Variants in GRM7 observed in about 807,000 individuals in gnomAD.
GRM7 encodes the protein metabotropic glutamate receptor 7.
A neutral mutation model predicts 84.5 loss-of-function variants in GRM7; 35 were observed. The observed-to-expected ratio is 0.41, with a 90% CI of 0.32 to 0.55. The LOEUF (loss-of-function observed/expected upper bound fraction) is 0.55. Among genes scored for constraint, GRM7 ranks in the 20% least tolerant of loss-of-function variants. GRM7 has a pLI of 0.19. For synonymous variants in GRM7, 487 were observed against 455.1 expected, an observed-to-expected ratio of 1.07 and a Z score of -0.89; for missense variants, 1,003 against 1,194.6, an observed-to-expected ratio of 0.84 and a Z score of 2.36.
intron 9 of GRM7, among the ~76,000 whole-genome samples, chr3:7,716,788 C>A (rs974882107): frequency 3.9e-5 from 6 of 152,186 alleles, no homozygotes; most frequent in Admixed American, 2.6e-4. Context: ...CAGATTCATG[C>A]AAACCAATTC....
chr3:7,001,379 C>T lies in GRM7; in HGVS notation c.519+139472C>T, dbSNP rs184466786. 2.2e-4 allele frequency among the ~76,000 whole-genome samples: 33 copies of T among 152,156 alleles called. 1 individual carries two copies. The highest frequency in any genetic ancestry group is 7.2e-4 in the African/African-American group (30 of 41,536). On this transcript the variant is annotated intron_variant, in intron 1 of 9. Transcript: ENST00000357716. ...ACTAAAAAAAAATTAAAAATAAAGGCTATCTGTTTGTGCACGTGAATATGC... is the reference window on the plus strand; with the variant it reads ...ACTAAAAAAAAATTAAAAATAAAGGTTATCTGTTTGTGCACGTGAATATGC...
At chr3:6,972,044 A>C (rs1370411719) in intron 1 of GRM7, among the ~76,000 whole-genome samples, 2 of 152,202 alleles carry the variant, frequency 1.3e-5, no homozygotes, top group African/African-American at 4.8e-5. Flanking sequence ...ACAACTTAGC[A>C]GACATTATTA....
At chr3:7,179,234 C>T in intron 2 of GRM7, among the ~76,000 whole-genome samples, 1 of 152,132 alleles carries the variant, frequency 6.6e-6, no homozygotes, top group East Asian at 1.9e-4. Flanking sequence ...TCCTTGACTC[C>T]CTAACTCCCA....
At chr3:6,947,389 C>T (rs923807420) in intron 1 of GRM7, among the ~76,000 whole-genome samples, 22 of 152,154 alleles carry the variant, frequency 1.4e-4, no homozygotes, top group African/African-American at 5.3e-4. Context: ...AGCCTTGCAT[C>T]CCAGGGATGA....
chr3:7,602,054 T>C (rs1696339143), intron 8 of GRM7, among the ~76,000 whole-genome samples: 1 of 120,392 alleles, frequency 8.3e-6, no homozygotes, highest in Admixed American at 1.1e-4. Flanking sequence ...TCAGGAAGGC[T>C]CACCAGGGAA....
At chr3:7,225,928 C>A (rs1180338856) in intron 2 of GRM7, among the ~76,000 whole-genome samples, 2 of 152,062 alleles carry the variant, frequency 1.3e-5, no homozygotes, top group African/African-American at 4.8e-5. Context: ...CAGTTGTGAA[C>A]AGTTAAATAT....
chr3:6,891,850 C>A (rs1695964027), intron 1 of GRM7, among the ~76,000 whole-genome samples: 1 of 152,152 alleles, frequency 6.6e-6, no homozygotes, highest in African/African-American at 2.4e-5. Context: ...TTCTATTCTC[C>A]CCGTCACTTT....
intron 4 of GRM7, among the ~76,000 whole-genome samples, chr3:7,316,600 T>C (rs1019910832): frequency 6.6e-6 from 1 of 152,174 alleles, no homozygotes; most frequent in Non-Finnish European, 1.5e-5. Flanking sequence ...GTTTTTTACT[T>C]GCATAACTAG....
At chr3:7,360,641 C>T (rs1163590057) in intron 4 of GRM7, among the ~76,000 whole-genome samples, 1 of 152,106 alleles carries the variant, frequency 6.6e-6, no homozygotes, top group Non-Finnish European at 1.5e-5. Context: ...GTTTGTTTAA[C>T]TATTTCTCCA....
rs1422817750 is a variant in GRM7 at position 6,928,877 on chromosome 3, A to G, written c.519+66970A>G. 6.6e-6 allele frequency among the ~76,000 whole-genome samples: 1 copy of G among 152,224 alleles called. No individual in the cohort carries two copies. The highest frequency in any genetic ancestry group is 1.5e-5 in the Non-Finnish European group (1 of 68,040). Reference sequence around the variant, plus strand: ...GGTTCCCCCATATTTGAACTGGTACATAAAATGCCAGTCATAGTGTTTTAA... The same window carrying G: ...GGTTCCCCCATATTTGAACTGGTACGTAAAATGCCAGTCATAGTGTTTTAA... On this transcript the variant is annotated intron_variant, in intron 1 of 9. Coordinates refer to ENST00000357716, the MANE Select transcript of GRM7 (RefSeq NM_000844.4). This position sits in a 1 kb window ranked among gnomAD's most constrained non-coding sequence, Gnocchi z 4.5.
intron 7 of GRM7, among the ~76,000 whole-genome samples, chr3:7,535,659 G>A (rs1200476910): frequency 6.6e-6 from 1 of 152,208 alleles, no homozygotes; most frequent in African/African-American, 2.4e-5. Flanking sequence ...AGGCATTGAA[G>A]AGCTGGACTC....
chr3:7,410,868 T>C (rs1476054005), intron 4 of GRM7, among the ~76,000 whole-genome samples: 1 of 152,148 alleles, frequency 6.6e-6, no homozygotes, highest in African/African-American at 2.4e-5. Context: ...ACATAAAAAA[T>C]GGCTACAAAT....
At chr3:7,055,876 G>C (rs932380085) in intron 1 of GRM7, among the ~76,000 whole-genome samples, 1 of 151,920 alleles carries the variant, frequency 6.6e-6, no homozygotes, top group Admixed American at 6.6e-5. Flanking sequence ...GGCCCTCTCA[G>C]TATTGATCAG....
chr3:7,482,544 C>A (rs531567544), intron 7 of GRM7, among the ~76,000 whole-genome samples: 5 of 152,036 alleles, frequency 3.3e-5, no homozygotes, highest in Non-Finnish European at 5.9e-5. Context: ...CCTTAGAGAG[C>A]GAGTTATAAA....
chr3:7,626,257 C>T (rs1160743222), intron 8 of GRM7, among the ~76,000 whole-genome samples: 1 of 152,098 alleles, frequency 6.6e-6, no homozygotes, highest in Non-Finnish European at 1.5e-5. Flanking sequence ...AGAAGCTAGC[C>T]ATTCTAGAAA....
chr3:7,198,461 T>A (rs539256215), intron 2 of GRM7, among the ~76,000 whole-genome samples: 1 of 152,194 alleles, frequency 6.6e-6, no homozygotes, highest in Non-Finnish European at 1.5e-5. Flanking sequence ...AGCTCTACAA[T>A]TGAGACATGC....
chr3:7,290,033 A>G (rs1343635911), intron 2 of GRM7, among the ~76,000 whole-genome samples: 2 of 151,962 alleles, frequency 1.3e-5, no homozygotes, highest in Non-Finnish European at 2.9e-5. Flanking sequence ...AATAAAAATA[A>G]AAAAAGAAAA....
intron 2 of GRM7, among the ~76,000 whole-genome samples, chr3:7,163,434 G>T (rs1694699104): frequency 6.6e-6 from 1 of 152,156 alleles, no homozygotes. Flanking sequence ...ACCCAAGAAA[G>T]AGAAAAATTT....
At chr3:7,693,372 C>A (rs1348202097) in intron 9 of GRM7, among the ~76,000 whole-genome samples, 2 of 151,972 alleles carry the variant, frequency 1.3e-5, no homozygotes, top group Non-Finnish European at 2.9e-5. Flanking sequence ...TTCCCCCCAC[C>A]CCCTCATCAC....
Sources: allele counts gnomAD v4.1 joint callset (sites outside exome capture counted in the v4.1 genomes callset), GRCh38; gene constraint gnomAD v4.1.1; non-coding constraint Gnocchi (gnomAD v3.1); transcripts MANE v1.5; gene names NCBI Gene and HGNC (gene_info 2026-07-23, HGNC 2026-07-21).